The following CA13 variants were observed in gnomAD, a reference collection of about 807,000 sequenced individuals.
CA13 encodes CA-XIII.
A neutral mutation model predicts 31.5 loss-of-function variants in CA13; 21 were observed. The observed-to-expected ratio is 0.67, with a 90% CI of 0.47 to 0.96. The LOEUF (loss-of-function observed/expected upper bound fraction) is 0.96, where lower values mean the gene tolerates loss of function less well. Among genes scored for constraint, CA13 ranks in the 40% least tolerant of loss-of-function variants. The probability of loss-of-function intolerance (pLI) is 0.00; values close to 1 mark genes in which losing one functional copy is unlikely to be tolerated. For synonymous variants in CA13, 117 were observed against 111.4 expected (o/e 1.05, Z -0.32); for missense variants, 315 against 318.9 (o/e 0.99, Z 0.09).
At chr8:85,246,239 A>G (rs1374983829) in intron 1 of CA13, 1 of 466,466 alleles carries the variant, frequency 2.1e-6, no homozygotes, top group East Asian at 5.4e-5. Context: ...TGAAATAAGG[A>G]CAAGTTCGCT....
chr8:85,267,115 A>G, intron 4 of CA13: 1 of 378,420 alleles, frequency 2.6e-6, no homozygotes. Context: ...ATTTTATTGT[A>G]TTTCCTTTAA....
intron 6 of CA13, among the ~76,000 whole-genome samples, chr8:85,280,289 CAAAT>C (rs896162678): frequency 2.0e-5 from 3 of 152,234 alleles, no homozygotes; most frequent in African/African-American, 7.2e-5. Flanking sequence ...AAAAAACAAA[CAAAT>C]AAAACCCTCA....
intron 3 of CA13, among the ~76,000 whole-genome samples, chr8:85,264,914 G>A (rs555786991): frequency 3.3e-5 from 5 of 152,264 alleles, no homozygotes; most frequent in African/African-American, 1.2e-4. Context: ...TTGGAACATG[G>A]CACTACAGGA....
intron 6 of CA13, among the ~76,000 whole-genome samples, chr8:85,272,489 CA>C (rs1807540136): frequency 6.6e-6 from 1 of 152,160 alleles, no homozygotes; most frequent in African/African-American, 2.4e-5. Flanking sequence ...CTCCTGGCCT[CA>C]AGTGATCTAC....
intron 1 of CA13, among the ~76,000 whole-genome samples, chr8:85,247,171 T>C (rs1423791627): frequency 6.6e-6 from 1 of 152,216 alleles, no homozygotes; most frequent in Non-Finnish European, 1.5e-5. Context: ...GGGGAAAATA[T>C]GACAAATCTT....
chr8:85,281,503 T>C lies in CA13; in HGVS notation c.*154T>C, dbSNP rs551729711. 7 of 1,371,930 alleles carry C rather than the reference T, an allele frequency of 5.1e-6. No individual in the cohort carries two copies. Among genetic ancestry groups the C allele is most frequent in the Non-Finnish European group, 6.6e-6 (7 of 1,056,900 alleles). The allele number at this position is 1,371,930 out of a possible 1,614,324, so 85.0% of individuals were successfully genotyped here. A position where few individuals can be genotyped will look rare whatever the true frequency, so the allele number is the denominator to read the frequency against. ...TCAGTGTCACAAAGAAAACCAGATCTCTCTCTCTTTTTTTTTTATTTTTTT... is the reference window on the plus strand; with the variant it reads ...TCAGTGTCACAAAGAAAACCAGATCCCTCTCTCTTTTTTTTTTATTTTTTT... On this transcript the variant is annotated 3_prime_UTR_variant, in exon 7 of 7. Transcript: ENST00000321764.
intron 3 of CA13, among the ~76,000 whole-genome samples, chr8:85,262,517 G>T (rs1348774765): frequency 1.3e-5 from 2 of 152,162 alleles, no homozygotes; most frequent in Non-Finnish European, 2.9e-5. Flanking sequence ...CTTGGAGAAT[G>T]AAGGGGAGAG....
chr8:85,254,156 T>C (rs1807244250), intron 2 of CA13, among the ~76,000 whole-genome samples: 1 of 151,300 alleles, frequency 6.6e-6, no homozygotes, highest in Non-Finnish European at 1.5e-5. Flanking sequence ...CACACACCTG[T>C]AATCCCAGCT....
At chr8:85,247,065 T>G (rs546757924) in intron 1 of CA13, among the ~76,000 whole-genome samples, 62 of 152,330 alleles carry the variant, frequency 4.1e-4, no homozygotes, top group African/African-American at 1.3e-3. Flanking sequence ...AGGTGAAATT[T>G]ATAACTTTAA....
At chr8:85,260,848 G>A (rs1391471638) in intron 3 of CA13, among the ~76,000 whole-genome samples, 1 of 152,206 alleles carries the variant, frequency 6.6e-6, no homozygotes, top group African/African-American at 2.4e-5. Context: ...ATTATTGGTT[G>A]CTTTGGATCA....
At position 85,259,587 on chromosome 8, in the gene CA13, A is replaced by G. The variant is rs4739699; in HGVS notation, c.354+48A>G. 1 allele frequency: 1,520,077 copies of G among 1,523,392 alleles called. 758,387 individuals are homozygous for G. The highest frequency in any genetic ancestry group is 1 in the East Asian group (44,215 of 44,216). 94.4% of individuals were successfully genotyped at this position (1,523,392 alleles called of 1,614,324 possible). A position where few individuals can be genotyped will look rare whatever the true frequency, so the allele number is the denominator to read the frequency against. ...GATTCACAGTTTTCCCACATGGTGG[A>G]ATTTAAGGGGTACAGAGACAACTTT... On this transcript the variant is annotated intron_variant, in intron 3 of 6. Coordinates refer to ENST00000321764, the MANE Select transcript of CA13 (RefSeq NM_198584.3).
intron 3 of CA13, among the ~76,000 whole-genome samples, chr8:85,265,478 C>T (rs149769479): frequency 2.0e-5 from 3 of 152,192 alleles, no homozygotes; most frequent in East Asian, 1.9e-4. Context: ...TGCATAAGGC[C>T]GCTGCATATG....
intron 3 of CA13, among the ~76,000 whole-genome samples, chr8:85,260,193 C>T (rs956028538): frequency 1.6e-4 from 25 of 152,108 alleles, no homozygotes; most frequent in African/African-American, 5.8e-4. Flanking sequence ...ACTAATAATA[C>T]TCTGTGCAGG....
rs148247062 is a variant in CA13, at chr8:85,250,671, A to G, written c.38-69A>G. On this transcript the variant is annotated intron_variant, in intron 1 of 6. Coordinates refer to ENST00000321764, the MANE Select transcript of CA13 (RefSeq NM_198584.3). ...TCTTCAATTTCAAGCACAGTGTGTT[A>G]TACTCAATGTATGTTTGTTGAAAGA... 4,885 of 969,290 alleles carry G rather than the reference A, an allele frequency of 5.0e-3. 20 individuals are homozygous for G. Among genetic ancestry groups the G allele is most frequent in the Non-Finnish European group, 6.8e-3 (4,206 of 620,444 alleles). 60.0% of individuals were successfully genotyped at this position (969,290 alleles called of 1,614,324 possible).
chr8:85,271,933 G>C (rs1402764353), intron 6 of CA13, among the ~76,000 whole-genome samples: 4 of 152,070 alleles, frequency 2.6e-5, no homozygotes, highest in African/African-American at 9.7e-5. Context: ...GCCACGCATG[G>C]TGGTGCATGC....
At chr8:85,254,725 T>C (rs780947494) in intron 2 of CA13, among the ~76,000 whole-genome samples, 8 of 151,366 alleles carry the variant, frequency 5.3e-5, no homozygotes, top group Non-Finnish European at 5.9e-5. Context: ...CATGGTGATT[T>C]GGGAGATTAA....
chr8:85,277,127 G>A (rs192811525), intron 6 of CA13, among the ~76,000 whole-genome samples: 84 of 152,268 alleles, frequency 5.5e-4, no homozygotes, highest in Admixed American at 1.6e-3. Flanking sequence ...AGCAGGCTGC[G>A]GGAGCCAGCA....
intron 6 of CA13, among the ~76,000 whole-genome samples, chr8:85,276,640 T>G (rs546864312): frequency 1.2e-4 from 18 of 151,392 alleles, no homozygotes; most frequent in Admixed American, 4.6e-4. Context: ...CAATGGACAC[T>G]CTGTATGTAG....
intron 6 of CA13, among the ~76,000 whole-genome samples, chr8:85,277,757 C>A (rs943179124): frequency 2.0e-5 from 3 of 152,120 alleles, no homozygotes; most frequent in Non-Finnish European, 4.4e-5. Flanking sequence ...GAAGTGAGGA[C>A]GGGGCAGGGG....
Sources: gnomAD v4.1 joint callset for allele counts (sites outside exome capture counted in the v4.1 genomes callset) on GRCh38, gnomAD v4.1.1 for gene constraint, MANE v1.5 for transcripts, NCBI Gene and HGNC (gene_info 2026-07-23, HGNC 2026-07-21) for gene names.